Variants in ADPRHL1 observed in about 807,000 individuals in gnomAD.
ADPRHL1 encodes inactive ADP-ribosyltransferase ARH2.
ADPRHL1 carries 43 observed loss-of-function variants against 44.1 expected under a neutral mutation model. The observed-to-expected ratio is 0.98, with a 90% CI of 0.76 to 1.26. The LOEUF (loss-of-function observed/expected upper bound fraction) is 1.26. Ranked by LOEUF, ADPRHL1 falls within the 50% of genes most tolerant of loss-of-function variation. The pLI, the probability that ADPRHL1 is intolerant of heterozygous loss-of-function variation, is 0.00. For missense variants in ADPRHL1, 2,022 were observed against 2,496.9 expected, an observed-to-expected ratio of 0.81 and a Z score of 4.05; for synonymous variants, 878 against 1,017.4, an observed-to-expected ratio of 0.86 and a Z score of 2.61.
rs761209360 is a variant in ADPRHL1 at position 113,441,099 on chromosome 13, G to A, written c.379+3326C>T. 6.6e-6 allele frequency among the ~76,000 whole-genome samples: 1 copy of A among 152,154 alleles called. No individual in the cohort carries two copies. Among genetic ancestry groups the A allele is most frequent in the Non-Finnish European group, 1.5e-5 (1 of 68,032 alleles). Reference sequence around the variant, plus strand: ...ACCCGGGAAGTAGAGGTTGCAGTGAGCCAAAATTGCGCCACTGCACTCCAA... The same window carrying A: ...ACCCGGGAAGTAGAGGTTGCAGTGAACCAAAATTGCGCCACTGCACTCCAA... On this transcript the variant is annotated intron_variant, in intron 2 of 7. Coordinates refer to ENST00000612156, the MANE Select transcript of ADPRHL1 (RefSeq NM_001394807.1). This position sits in a 1 kb window ranked among gnomAD's most constrained non-coding sequence, Gnocchi z 6.0.
chr13:113,405,506 G>C lies in ADPRHL1; in HGVS notation c.3776C>G (p.Thr1259Arg). The C allele has an allele frequency of 1.6e-6, 2 of 1,232,130 alleles. No homozygotes were observed. Among genetic ancestry groups the C allele is most frequent in the South Asian group, 4.1e-5 (1 of 24,336 alleles). 76.3% of individuals were successfully genotyped at this position (1,232,130 alleles called of 1,614,324 possible). A position where few individuals can be genotyped will look rare whatever the true frequency, so the allele number is the denominator to read the frequency against. Reference sequence around the variant, plus strand: ...ATCAGAAGCAGGAATTCCAGACTCTGTGCTGAAACCCAAAAGGTTTCCTTC... The same window carrying C: ...ATCAGAAGCAGGAATTCCAGACTCTCTGCTGAAACCCAAAAGGTTTCCTTC... ...AVEGNLLGFS[T>R]ESGIPASDHP... Residue 1259 changes from threonine (T) to arginine (R), a missense_variant, in exon 8 of 8, where the codon ACA (threonine) becomes AGA (arginine). Transcript: ENST00000612156.
intron 7 of ADPRHL1, among the ~76,000 whole-genome samples, chr13:113,421,251 CCCCAGGGACACGCCCA>C (rs1555326293): frequency 3.7e-5 from 2 of 53,486 alleles, no homozygotes; most frequent in African/African-American, 5.0e-5. Flanking sequence ...GACACGCCCA[CCCCAGGGACACGCCCA>C]CCCCGGGACA....
At chr13:113,429,281 C>T (rs1416829856) in intron 3 of ADPRHL1, among the ~76,000 whole-genome samples, 189 bp from the exon 4 acceptor site, 1 of 152,244 alleles carries the variant, frequency 6.6e-6, no homozygotes, top group Non-Finnish European at 1.5e-5. Flanking sequence ...CTCCCTGGAA[C>T]TCCCCATCTT....
intron 7 of ADPRHL1, among the ~76,000 whole-genome samples, chr13:113,417,046 G>A (rs576272905): frequency 3.9e-5 from 6 of 152,334 alleles, no homozygotes; most frequent in African/African-American, 1.4e-4. Flanking sequence ...CATTAAGATA[G>A]GAGAGAGAGA....
intron 7 of ADPRHL1, among the ~76,000 whole-genome samples, chr13:113,420,313 T>C (rs926244557): frequency 1.3e-5 from 2 of 152,164 alleles, no homozygotes; most frequent in Non-Finnish European, 2.9e-5. Context: ...TTTTAATCTA[T>C]AATCAGTTTG....
rs2043815167 is a variant in ADPRHL1 at position 113,407,153 on chromosome 13, G to A, written c.2129C>T (p.Ala710Val). 9.7e-6 allele frequency: 12 copies of A among 1,232,166 alleles called. No homozygotes were observed. The highest frequency in any genetic ancestry group is 1.2e-5 in the Non-Finnish European group (12 of 988,090). 76.3% of individuals were successfully genotyped at this position (1,232,166 alleles called of 1,614,324 possible). ...HAVPSLAFSCAPCTGGVLPGL... is the reference protein window; with the variant it reads ...HAVPSLAFSCVPCTGGVLPGL... ...AGGAAGGACTCCACCTGTGCAGGGA[G>A]CACAAGAGAAGGCCAGCGAGGGGAC... Residue 710 changes from alanine (A) to valine (V), a missense_variant, in exon 8 of 8, where the codon GCT (alanine) becomes GTT (valine). Ala to Val is a moderately conservative substitution (Grantham distance 64). Coordinates refer to ENST00000612156, the MANE Select transcript of ADPRHL1 (RefSeq NM_001394807.1).
At position 113,405,095 on chromosome 13, in the gene ADPRHL1, C is replaced by A. The variant is rs917761936; in HGVS notation, c.4187G>T (p.Gly1396Val). The A allele has an allele frequency of 1.6e-6, 2 of 1,232,116 alleles. No individual in the cohort carries two copies. The highest frequency in any genetic ancestry group is 2.0e-6 in the Non-Finnish European group (2 of 988,338). The allele number at this position is 1,232,116 out of a possible 1,614,324, so 76.3% of individuals were successfully genotyped here. ...CGAGCCCGACGGCGCCACCCTCTTC[C>A]CCGCATCCCCGGGCTGGGGGGTCTC... ...QEETPQPGDA[G>V]KRVAPSGSKV... Residue 1396 changes from glycine (G) to valine (V), a missense_variant, in exon 8 of 8, where the codon GGG becomes GTG. This residue lies in a region of ADPRHL1 where 1,221 missense variants were observed against 1,517.8 expected (regional missense o/e 0.80). Coordinates refer to ENST00000612156, the MANE Select transcript of ADPRHL1 (RefSeq NM_001394807.1).
intron 7 of ADPRHL1, among the ~76,000 whole-genome samples, chr13:113,412,328 C>A (rs1439661706): frequency 6.6e-6 from 1 of 152,096 alleles, no homozygotes; most frequent in East Asian, 1.9e-4. Context: ...CAGGCGCCCG[C>A]CACCACGCCC....
chr13:113,418,982 C>T (rs2043899976), intron 7 of ADPRHL1, among the ~76,000 whole-genome samples: 1 of 143,312 alleles, frequency 7.0e-6, no homozygotes, highest in African/African-American at 2.6e-5. Context: ...TCTTTTCCTT[C>T]CCTCCCTCCC....
intron 2 of ADPRHL1, among the ~76,000 whole-genome samples, chr13:113,438,165 T>C (rs1403645956): frequency 6.6e-6 from 1 of 152,054 alleles, no homozygotes; most frequent in East Asian, 1.9e-4. Flanking sequence ...GCCAAATGGG[T>C]TTCCAGAGTC....
In ADPRHL1 at chr13:113,409,993, A is replaced by C. The variant is rs1290218963; in HGVS notation, c.1062-1773T>G. 1.0e-6 allele frequency: 1 copy of C among 985,266 alleles called. No homozygotes were observed. The highest frequency in any genetic ancestry group is 1.7e-5 in the African/African-American group (1 of 57,212). The allele number at this position is 985,266 out of a possible 1,614,324, so 61.0% of individuals were successfully genotyped here. Reference sequence around the variant, plus strand: ...TTTGTGTTTGTCTGCATTTTTCCAAAAGAGAGAGCTCTGTTTTGAAGCCAT... The same window carrying C: ...TTTGTGTTTGTCTGCATTTTTCCAACAGAGAGAGCTCTGTTTTGAAGCCAT... On this transcript the variant is annotated intron_variant, in intron 7 of 7. Coordinates refer to ENST00000612156, the MANE Select transcript of ADPRHL1 (RefSeq NM_001394807.1). This position sits in a 1 kb window ranked among gnomAD's most constrained non-coding sequence, Gnocchi z 4.2.
chr13:113,433,600 C>T (rs1468167830), intron 3 of ADPRHL1, 142 bp downstream of exon 3: 36 of 1,400,032 alleles, frequency 2.6e-5, no homozygotes, highest in Non-Finnish European at 3.0e-5. Flanking sequence ...GCAGGGTCAG[C>T]TTCTGTCTCC....
At chr13:113,435,434 C>G (rs1394565054) in intron 2 of ADPRHL1, among the ~76,000 whole-genome samples, 2 of 130,458 alleles carry the variant, frequency 1.5e-5, no homozygotes, top group African/African-American at 3.1e-5. Flanking sequence ...CCCCGGGACC[C>G]AGCACCCAGG....
rs113300972 is a variant in ADPRHL1, at chr13:113,400,198, T to C, written c.*3180A>G. The C allele has an allele frequency of 1.4e-5, 2 of 146,774 alleles. No homozygotes were observed. The highest frequency in any genetic ancestry group is 6.9e-5 in the Admixed American group (1 of 14,588). 9.1% of individuals were successfully genotyped at this position (146,774 alleles called of 1,614,324 possible). On this transcript the variant is annotated 3_prime_UTR_variant, in exon 8 of 8. Transcript: ENST00000612156. ...TCTCGCTCTGTCACCCAGGCTGGAG[T>C]GCAGTGGCGCAATCTCGGCTCACTG...
In ADPRHL1 at chr13:113,405,272, T is replaced by C; in HGVS notation, c.4010A>G (p.His1337Arg). The C allele has an allele frequency of 8.1e-7, 1 of 1,231,866 alleles. No individual in the cohort carries two copies. Among genetic ancestry groups the C allele is most frequent in the Non-Finnish European group, 1.0e-6 (1 of 988,114 alleles). 76.3% of individuals were successfully genotyped at this position (1,231,866 alleles called of 1,614,324 possible). A position where few individuals can be genotyped will look rare whatever the true frequency, so the allele number is the denominator to read the frequency against. Residue 1337 changes from histidine to arginine, a missense_variant, in exon 8 of 8, where the codon CAT becomes CGT. Coordinates refer to ENST00000612156, the MANE Select transcript of ADPRHL1 (RefSeq NM_001394807.1). ...VGGTHQRGPP[H>R]LQAHLPPTAG... ...AGTAGGGGGCAGGTGTGCCTGTAGA[T>C]GGGGAGGGCCCCGCTGGTGGGTGCC...
chr13:113,400,176 C>T lies in ADPRHL1; in HGVS notation c.*3202G>A, dbSNP rs1217232988. On this transcript the variant is annotated 3_prime_UTR_variant, in exon 8 of 8. Coordinates refer to ENST00000612156, the MANE Select transcript of ADPRHL1 (RefSeq NM_001394807.1). ...TTTTTTTTTTTTTTTGACGGAGTCT[C>T]GCTCTGTCACCCAGGCTGGAGTGCA... 18 of 139,434 alleles carry T rather than the reference C, an allele frequency of 1.3e-4. No individual in the cohort carries two copies. Among genetic ancestry groups the T allele is most frequent in the East Asian group, 6.2e-4 (3 of 4,866 alleles). The allele number at this position is 139,434 out of a possible 1,614,324, so 8.6% of individuals were successfully genotyped here.
intron 6 of ADPRHL1, among the ~76,000 whole-genome samples, chr13:113,423,232 G>C (rs1026094185): frequency 6.6e-6 from 1 of 151,766 alleles, no homozygotes; most frequent in Non-Finnish European, 1.5e-5. Flanking sequence ...ACTCCAGCCG[G>C]AGTGACAGAG....
rs1012805203 is a variant in ADPRHL1, at chr13:113,453,443, G to C, written c.-6C>G. The C allele has an allele frequency of 3.1e-6, 5 of 1,613,816 alleles. No individual in the cohort carries two copies. Among genetic ancestry groups the C allele is most frequent in the Middle Eastern group, 1.6e-4 (1 of 6,082 alleles). On this transcript the variant is annotated 5_prime_UTR_variant, in exon 1 of 8. Coordinates refer to ENST00000612156, the MANE Select transcript of ADPRHL1 (RefSeq NM_001394807.1). This position sits in a 1 kb window ranked among gnomAD's most constrained non-coding sequence, Gnocchi z 5.4. ...GCAGCCTTAAATTTCTCCATCCCAG[G>C]AGGCAGCTCCTCTTCCCCAACAGCT...
rs550447172 is a variant in ADPRHL1 at position 113,405,744 on chromosome 13, A to T, written c.3538T>A (p.Ser1180Thr). 80 of 1,231,798 alleles carry T rather than the reference A, an allele frequency of 6.5e-5. 1 individual carries two copies. The Admixed American group carries it at 2.1e-3, about 33-fold the overall frequency. 76.3% of individuals were successfully genotyped at this position (1,231,798 alleles called of 1,614,324 possible). A position where few individuals can be genotyped will look rare whatever the true frequency, so the allele number is the denominator to read the frequency against. ...HSHGLLAPGG[S>T]LEPKSGAAGR... ...GCTGCTCCACTCTTGGGCTCCAAGG[A>T]TCCCCCAGGGGCCAGGAGGCCGTGG... Residue 1180 changes from serine (S) to threonine (T), a missense_variant, in exon 8 of 8, where the codon TCC becomes ACC. By Grantham distance (58) the Ser-to-Thr change is moderately conservative. Transcript: ENST00000612156.
Sources: gnomAD v4.1 joint callset for allele counts (sites outside exome capture counted in the v4.1 genomes callset) on GRCh38, gnomAD v4.1.1 for gene constraint, gnomAD v4.1.1 regional missense constraint, Gnocchi (gnomAD v3.1) non-coding constraint, MANE v1.5 for transcripts, NCBI Gene and HGNC (gene_info 2026-07-23, HGNC 2026-07-21) for gene names.